The following KRR1 variants were observed in gnomAD, a reference collection of about 807,000 sequenced individuals.
KRR1 encodes KRR1 small subunit processome component homolog.
KRR1 carries 23 observed loss-of-function variants against 50.0 expected under a neutral mutation model. That is an observed-to-expected ratio of 0.46 (90% CI 0.33 to 0.65). The LOEUF is 0.65. Ranked by LOEUF, KRR1 falls within the 30% of genes least tolerant of loss-of-function variation. KRR1 has a pLI of 0.02. For synonymous variants in KRR1, 133 were observed against 146.3 expected (o/e 0.91, Z 0.66); for missense variants, 419 against 442.4 (o/e 0.95, Z 0.47).
In KRR1 at chr12:75,501,923, C is replaced by T. The variant is rs372522544; in HGVS notation, c.909G>A (p.Lys303=). The T allele has an allele frequency of 1.2e-5, 19 of 1,612,112 alleles. No homozygotes were observed. The highest frequency in any genetic ancestry group is 1.5e-5 in the Non-Finnish European group (18 of 1,178,868). ...GTGAGCCAGACATAAAGTGCCGTAC[C>T]TTTATTGCTTCCATTTTCTGCCGCT... The part of the protein sequence containing the change: ...QKKRQKMEAI[K]AKQAEAISKR... The change falls in exon 8 of 10, where the codon AAG becomes AAA. Residue 303 remains lysine, a splice_region_variant and synonymous_variant. Transcript: ENST00000229214.
rs189190245 is a variant in KRR1, at chr12:75,501,918, C to G, written c.909+5G>C. 1.2e-6 allele frequency: 2 copies of G among 1,608,004 alleles called. No individual in the cohort carries two copies. Among genetic ancestry groups the G allele is most frequent in the Admixed American group, 3.5e-5 (2 of 57,560 alleles). ...TTCATGTGAGCCAGACATAAAGTGC[C>G]GTACCTTTATTGCTTCCATTTTCTG... On this transcript the variant is annotated splice_donor_5th_base_variant and intron_variant, in intron 8 of 9. Transcript: ENST00000229214.
In KRR1 at chr12:75,504,011, ATC is replaced by A. The variant is rs779999846; in HGVS notation, c.722_723del (p.Arg241IlefsTer12). The A allele has an allele frequency of 1.3e-5, 21 of 1,612,270 alleles. No individual in the cohort carries two copies. The highest frequency in any genetic ancestry group is 1.7e-5 in the Non-Finnish European group (20 of 1,178,952). On this transcript the variant is annotated frameshift_variant, in exon 7 of 10. Coordinates refer to ENST00000229214, the MANE Select transcript of KRR1 (RefSeq NM_007043.7). LOFTEE classifies it high-confidence loss of function. ...TTTTTGTGTTTGAACTGTGGCAAAA[ATC>A]TCTCCCAACTTTGTGATCGTAATTC... ...DSELRSQSWE[R>X]FLPQFKHKNV...
At position 75,498,431 on chromosome 12, in the gene KRR1, T is replaced by A. The variant is rs180943122; in HGVS notation, c.*1378A>T. ...AAATTTTATTACCTGCTAGGTATGA[T>A]GTGTAAAATGATTTTCCATTTATAG... On this transcript the variant is annotated 3_prime_UTR_variant, in exon 10 of 10. Coordinates refer to ENST00000229214, the MANE Select transcript of KRR1 (RefSeq NM_007043.7). 2 of 335,008 alleles carry A rather than the reference T, an allele frequency of 6.0e-6. No homozygotes were observed. The highest frequency in any genetic ancestry group is 4.3e-5 in the African/African-American group (2 of 46,832). The allele number at this position is 335,008 out of a possible 1,614,324, so 20.8% of individuals were successfully genotyped here.
In KRR1 at chr12:75,498,800, G is replaced by C. The variant is rs777563404; in HGVS notation, c.*1009C>G. The C allele has an allele frequency of 4.3e-6, 7 of 1,611,672 alleles. No homozygotes were observed. The highest frequency in any genetic ancestry group is 5.9e-6 in the Non-Finnish European group (7 of 1,178,334). On this transcript the variant is annotated 3_prime_UTR_variant, in exon 10 of 10. Coordinates refer to ENST00000229214, the MANE Select transcript of KRR1 (RefSeq NM_007043.7). ...GCATTATGAGGAACAATGTCTAAGA[G>C]GATATTCTATGTTTGTTTCACAGGT...
chr12:75,500,588 T>C (rs1352108212), intron 9 of KRR1: 1 of 152,034 alleles, frequency 6.6e-6, no homozygotes, highest in East Asian at 1.9e-4. Context: ...TTTAACAACA[T>C]TTTGGTAATA....
rs1199310885 is a variant in KRR1 at position 75,503,846 on chromosome 12, T to C, written c.831+58A>G. ...CCTGAAATACTTTCAATAAAGTTTC[T>C]GACCAAATACATTAAAATAGATTCT... is the stretch of plus-strand genomic sequence containing the variant. On this transcript the variant is annotated intron_variant, in intron 7 of 9. Transcript: ENST00000229214. The C allele has an allele frequency of 3.4e-6, 5 of 1,459,938 alleles. No homozygotes were observed. The Admixed American group carries it at 6.3e-5, about 18-fold the overall frequency. The allele number at this position is 1,459,938 out of a possible 1,614,324, so 90.4% of individuals were successfully genotyped here.
chr12:75,497,398 T>G lies in KRR1; in HGVS notation c.*2411A>C, dbSNP rs2046357780. On this transcript the variant is annotated 3_prime_UTR_variant, in exon 10 of 10. Coordinates refer to ENST00000229214, the MANE Select transcript of KRR1 (RefSeq NM_007043.7). ...TCTTGAGAAAACACATGCTAACTTG[T>G]ATTTATAAGATGTGAAACTCATTAC... 6.6e-6 allele frequency: 1 copy of G among 152,220 alleles called. No homozygotes were observed. The highest frequency in any genetic ancestry group is 2.1e-4 in the South Asian group (1 of 4,832). 9.4% of individuals were successfully genotyped at this position (152,220 alleles called of 1,614,324 possible). A position where few individuals can be genotyped will look rare whatever the true frequency, so the allele number is the denominator to read the frequency against.
chr12:75,508,120 AACTT>A (rs762116872), intron 2 of KRR1, among the ~76,000 whole-genome samples, 150 bp downstream of exon 2: 13 of 152,314 alleles, frequency 8.5e-5, no homozygotes, highest in South Asian at 6.2e-4. Context: ...GTAAGAAGAA[AACTT>A]ACTTAAATAG....
At position 75,494,591 on chromosome 12, in the gene KRR1, T is replaced by C. The variant is rs141088185; in HGVS notation, c.*5218A>G. On this transcript the variant is annotated 3_prime_UTR_variant, in exon 10 of 10. Transcript: ENST00000229214. ...TTAATTGGTTTCCTTTATAATCCTATGTATTTTATGCATTTAACAACAAAC... is the reference window on the plus strand; with the variant it reads ...TTAATTGGTTTCCTTTATAATCCTACGTATTTTATGCATTTAACAACAAAC... 4 of 152,224 alleles carry C rather than the reference T, an allele frequency of 2.6e-5. No homozygotes were observed. Among genetic ancestry groups the C allele is most frequent in the Non-Finnish European group, 1.5e-5 (1 of 68,030 alleles). 9.4% of individuals were successfully genotyped at this position (152,224 alleles called of 1,614,324 possible).
At chr12:75,506,199 G>A in intron 5 of KRR1, 117 bp downstream of exon 5, 1 of 633,532 alleles carries the variant, frequency 1.6e-6, no homozygotes, top group Non-Finnish European at 2.6e-6. Context: ...TTACTAATGG[G>A]AAATCAAAGC....
intron 1 of KRR1, among the ~76,000 whole-genome samples, chr12:75,509,586 C>CTTTTTT (rs895198427): frequency 7.6e-6 from 1 of 131,254 alleles, no homozygotes. Flanking sequence ...ATACACATTT[C>CTTTTTT]TTTTTTTTTT....
rs1278424779 is a variant in KRR1, at chr12:75,506,487, C to T, written c.516G>A (p.Leu172=). Residue 172 remains leucine, a synonymous_variant, in exon 4 of 10, where the codon TTG becomes TTA. Transcript: ENST00000229214. ...QRLIGPKGST[L]KALELLTNCY... is the part of the protein sequence containing the mutation. ...TTTTCCACTAATTAAAAAATACCTT[C>T]AATGTAGATCCTTTGGGACCAATAA... 6.2e-7 allele frequency: 1 copy of T among 1,610,824 alleles called. No individual in the cohort carries two copies.
Position 75,499,655 on chromosome 12 carries a change from T to C in KRR1, c.*154A>G. The C allele has an allele frequency of 2.5e-6, 1 of 401,338 alleles. No homozygotes were observed. The highest frequency in any genetic ancestry group is 6.0e-5 in the South Asian group (1 of 16,734). The allele number at this position is 401,338 out of a possible 1,614,324, so 24.9% of individuals were successfully genotyped here. ...AATTTTTCAAAAAATACAATAATAA[T>C]ATAATTTATAAAGAACACTCTTCTA... On this transcript the variant is annotated 3_prime_UTR_variant, in exon 10 of 10. Transcript: ENST00000229214.
rs1249854546 is a variant in KRR1, at chr12:75,497,323, A to G, written c.*2486T>C. ...TTGAGATGCTCTTTAATCTTGGGGA[A>G]TAACATTTAGAAGATTAAAGCTGTA... On this transcript the variant is annotated 3_prime_UTR_variant, in exon 10 of 10. Transcript: ENST00000229214. The G allele has an allele frequency of 6.6e-6, 1 of 152,220 alleles. No homozygotes were observed. Among genetic ancestry groups the G allele is most frequent in the Admixed American group, 6.5e-5 (1 of 15,282 alleles). 9.4% of individuals were successfully genotyped at this position (152,220 alleles called of 1,614,324 possible). A position where few individuals can be genotyped will look rare whatever the true frequency, so the allele number is the denominator to read the frequency against.
Position 75,496,009 on chromosome 12 carries a change from GT to G in KRR1, c.*3799del, listed in dbSNP as rs67599616. 4.7e-4 allele frequency: 66 copies of G among 139,600 alleles called. No homozygotes were observed. Among genetic ancestry groups the G allele is most frequent in the South Asian group, 1.4e-3 (7 of 5,162 alleles). 8.6% of individuals were successfully genotyped at this position (139,600 alleles called of 1,614,324 possible). On this transcript the variant is annotated 3_prime_UTR_variant, in exon 10 of 10. Coordinates refer to ENST00000229214, the MANE Select transcript of KRR1 (RefSeq NM_007043.7). ...GAATTCTGTTTTCGTTTTTTTTTTT[GT>G]TTTTTTTTTTTGAGACAGAGTCTTG...
chr12:75,508,446 T>C lies in KRR1; in HGVS notation c.86A>G (p.Asp29Gly). The C allele has an allele frequency of 4.4e-6, 7 of 1,587,526 alleles. No individual in the cohort carries two copies. The highest frequency in any genetic ancestry group is 6.0e-6 in the Non-Finnish European group (7 of 1,171,224). Reference sequence around the variant, plus strand: ...AGGAACCGTAAGGAGTTCTGATTCATCTACAGAAAGGAAAAAATTTACACA... The same window carrying C: ...AGGAACCGTAAGGAGTTCTGATTCACCTACAGAAAGGAAAAAATTTACACA... The part of the protein sequence containing the change: ...RNQKPKPENQ[D>G]ESELLTVPDG... The change falls in exon 2 of 10, where the codon GAT becomes GGT. Residue 29 changes from aspartate to glycine, a missense_variant and splice_region_variant. Asp to Gly is a moderately conservative substitution (Grantham distance 94, BLOSUM62 -1). Coordinates refer to ENST00000229214, the MANE Select transcript of KRR1 (RefSeq NM_007043.7).
chr12:75,499,771 C>CAAAAGGAGATAGTTCTAGTCA lies in KRR1; in HGVS notation c.*17_*37dup. The CAAAAGGAGATAGTTCTAGTCA allele has an allele frequency of 6.7e-7, 1 of 1,486,674 alleles. No individual in the cohort carries two copies. Among genetic ancestry groups the CAAAAGGAGATAGTTCTAGTCA allele is most frequent in the Non-Finnish European group, 9.0e-7 (1 of 1,110,554 alleles). 92.1% of individuals were successfully genotyped at this position (1,486,674 alleles called of 1,614,324 possible). On this transcript the variant is annotated 3_prime_UTR_variant, in exon 10 of 10. Coordinates refer to ENST00000229214, the MANE Select transcript of KRR1 (RefSeq NM_007043.7). ...ATGCCTGATATCTCAAAATCCTTTA[C>CAAAAGGAGATAGTTCTAGTCA]AAAAGGAGATAGTTCTAGTCAAGGA...
chr12:75,498,365 TAATA>T lies in KRR1; in HGVS notation c.*1440_*1443del, dbSNP rs1009511880. ...GAAACTTATTTTTAGAACTATATTT[TAATA>T]AATTTCTCACATTCTAATATTTAAT... On this transcript the variant is annotated 3_prime_UTR_variant, in exon 10 of 10. Transcript: ENST00000229214. 55 of 182,090 alleles carry T rather than the reference TAATA, an allele frequency of 3.0e-4. 1 individual carries two copies. Among genetic ancestry groups the T allele is most frequent in the Admixed American group, 1.5e-3 (24 of 16,500 alleles). 11.3% of individuals were successfully genotyped at this position (182,090 alleles called of 1,614,324 possible). A position where few individuals can be genotyped will look rare whatever the true frequency, so the allele number is the denominator to read the frequency against.
chr12:75,498,244 G>A lies in KRR1; in HGVS notation c.*1565C>T, dbSNP rs1411941445. 1 of 152,554 alleles carries A rather than the reference G, an allele frequency of 6.6e-6. No homozygotes were observed. Among genetic ancestry groups the A allele is most frequent in the African/African-American group, 2.4e-5 (1 of 41,432 alleles). 9.5% of individuals were successfully genotyped at this position (152,554 alleles called of 1,614,324 possible). A position where few individuals can be genotyped will look rare whatever the true frequency, so the allele number is the denominator to read the frequency against. On this transcript the variant is annotated 3_prime_UTR_variant, in exon 10 of 10. Transcript: ENST00000229214. ...ATTAATGACTTGATAGCCAAACATC[G>A]TAATGATGATTTAGTGATATACTAG...
Sources: allele counts gnomAD v4.1 joint callset (sites outside exome capture counted in the v4.1 genomes callset), GRCh38; gene constraint gnomAD v4.1.1; transcripts MANE v1.5; gene names NCBI Gene and HGNC (gene_info 2026-07-23, HGNC 2026-07-21).